POLDIP3: variants seen among roughly 807,000 people sequenced by gnomAD.
POLDIP3 encodes the protein DNA polymerase delta interacting protein 3.
A neutral mutation model predicts 45.1 loss-of-function variants in POLDIP3; 14 were observed. The ratio of observed to expected loss-of-function variants is 0.31; its 90% CI spans 0.20 to 0.49. The LOEUF (loss-of-function observed/expected upper bound fraction) is 0.49, where lower values mean the gene tolerates loss of function less well. POLDIP3 is among the 20% of genes least tolerant of loss of function. The pLI is 0.99. For missense variants in POLDIP3, 511 were observed against 538.8 expected (o/e 0.95, Z 0.51); for synonymous variants, 223 against 205.2 (o/e 1.09, Z -0.74).
intron 1 of POLDIP3, among the ~76,000 whole-genome samples, chr22:42,607,177 T>C (rs1569304812): frequency 1.3e-5 from 2 of 152,192 alleles, no homozygotes; most frequent in Non-Finnish European, 1.5e-5. Flanking sequence ...GGCTGGACTG[T>C]ACTGCCGCCA....
In POLDIP3 at chr22:42,604,532, T is replaced by C. The variant is rs995400506; in HGVS notation, c.60-1372A>G. On this transcript the variant is annotated intron_variant, in intron 1 of 8. Coordinates refer to ENST00000252115, the MANE Select transcript of POLDIP3 (RefSeq NM_032311.5). ...TGACCTGCTGTTAGAGGGTAAACTC[T>C]GCTGCATAAACGAGTTCCTGTATTG... Among the ~76,000 whole-genome samples, 5 of 152,210 alleles carry C rather than the reference T, an allele frequency of 3.3e-5. No homozygotes were observed. The East Asian group carries it at 7.7e-4, about 23-fold the overall frequency.
chr22:42,584,473 T>C lies in POLDIP3; in HGVS notation c.*1318A>G, dbSNP rs74760709. ...TTGAGTATCTTCGGCATGTGCCTTT[T>C]CCAGCACTTGCTACTGATTTTGCAG... On this transcript the variant is annotated 3_prime_UTR_variant, in exon 9 of 9. Transcript: ENST00000252115. 0.015 allele frequency: 2,519 copies of C among 172,766 alleles called. 60 individuals are homozygous for C. The highest frequency in any genetic ancestry group is 0.058 in the African/African-American group (2,404 of 41,676). The allele number at this position is 172,766 out of a possible 1,614,324, so 10.7% of individuals were successfully genotyped here.
At chr22:42,596,051 G>T in intron 5 of POLDIP3, 135 bp downstream of exon 5, 1 of 940,176 alleles carries the variant, frequency 1.1e-6, no homozygotes, top group Non-Finnish European at 1.6e-6. Context: ...AGAGTCCCTA[G>T]GTCTTGGTTT....
chr22:42,597,969 G>C (rs1432660210), intron 4 of POLDIP3, among the ~76,000 whole-genome samples: 2 of 151,698 alleles, frequency 1.3e-5, no homozygotes, highest in Non-Finnish European at 2.9e-5. Flanking sequence ...AGTAGAGACG[G>C]GATTTCACCA....
At chr22:42,609,384 T>C (rs554851191) in intron 1 of POLDIP3, among the ~76,000 whole-genome samples, 2 of 152,342 alleles carry the variant, frequency 1.3e-5, no homozygotes, top group South Asian at 2.1e-4. Flanking sequence ...AGAGCGCTGC[T>C]GGCAGGTGAG....
At chr22:42,598,257 T>A (rs1443787173) in intron 4 of POLDIP3, among the ~76,000 whole-genome samples, 2 of 148,394 alleles carry the variant, frequency 1.3e-5, no homozygotes, top group Non-Finnish European at 3.0e-5. Flanking sequence ...ATATTTTTTT[T>A]TTTTTTTTTT....
intron 1 of POLDIP3, among the ~76,000 whole-genome samples, chr22:42,612,168 T>C (rs1927164160): frequency 6.6e-6 from 1 of 152,226 alleles, no homozygotes; most frequent in African/African-American, 2.4e-5. Context: ...ATGTTACTCC[T>C]TTACTTTAAG....
intron 4 of POLDIP3, chr22:42,597,778 CTCT>C (rs1400866265): frequency 1.4e-4 from 59 of 425,696 alleles, no homozygotes; most frequent in Non-Finnish European, 2.5e-4. Context: ...GCTTCACGAC[CTCT>C]TTTTTTTTTT....
intron 1 of POLDIP3, among the ~76,000 whole-genome samples, chr22:42,609,012 A>T (rs1449344438): frequency 6.6e-6 from 1 of 152,228 alleles, no homozygotes; most frequent in Non-Finnish European, 1.5e-5. Context: ...TACTGGTTTC[A>T]GGCAGGCATT....
intron 4 of POLDIP3, among the ~76,000 whole-genome samples, chr22:42,598,351 TG>T (rs1465629903): frequency 1.3e-5 from 2 of 150,038 alleles, no homozygotes; most frequent in African/African-American, 2.5e-5. Flanking sequence ...CCTGGGTTCG[TG>T]CCATTCTCCT....
At chr22:42,592,173 C>G in intron 6 of POLDIP3, 89 bp from the exon 7 acceptor site, 1 of 1,567,180 alleles carries the variant, frequency 6.4e-7, no homozygotes, top group Non-Finnish European at 8.7e-7. Context: ...TGTGGTGGTT[C>G]CGCTGCAGCT....
At chr22:42,597,780 C>CTTTTT (rs137103) in intron 4 of POLDIP3, 40 of 392,332 alleles carry the variant, frequency 1.0e-4, no homozygotes, top group East Asian at 2.2e-4. Flanking sequence ...TTCACGACCT[C>CTTTTT]TTTTTTTTTT....
rs1241315228 is a variant in POLDIP3 at position 42,583,964 on chromosome 22, C to T, written c.*1827G>A. On this transcript the variant is annotated 3_prime_UTR_variant, in exon 9 of 9. Coordinates refer to ENST00000252115, the MANE Select transcript of POLDIP3 (RefSeq NM_032311.5). Reference sequence around the variant, plus strand: ...ACCAGATGGTCACCTATAGCACCAGCTCCAGATGGCCACGTGGCTGCAGCT... The same window carrying T: ...ACCAGATGGTCACCTATAGCACCAGTTCCAGATGGCCACGTGGCTGCAGCT... 1 of 152,308 alleles carries T rather than the reference C, an allele frequency of 6.6e-6. No individual in the cohort carries two copies. Among genetic ancestry groups the T allele is most frequent in the East Asian group, 1.9e-4 (1 of 5,174 alleles). The allele number at this position is 152,308 out of a possible 1,614,324, so 9.4% of individuals were successfully genotyped here. A position where few individuals can be genotyped will look rare whatever the true frequency, so the allele number is the denominator to read the frequency against.
At chr22:42,601,124 T>A (rs2146821146) in intron 3 of POLDIP3, among the ~76,000 whole-genome samples, 1 of 152,036 alleles carries the variant, frequency 6.6e-6, no homozygotes, top group African/African-American at 2.4e-5. Context: ...TGTAAGGAAC[T>A]ATGGCAAAAT....
chr22:42,600,044 T>A (rs1021402509), intron 3 of POLDIP3, among the ~76,000 whole-genome samples: 8 of 152,214 alleles, frequency 5.3e-5, no homozygotes, highest in African/African-American at 1.7e-4. Flanking sequence ...GTGGGCAGTA[T>A]GTACCAAGAG....
chr22:42,588,931 T>C (rs1468154479), intron 7 of POLDIP3, among the ~76,000 whole-genome samples: 1 of 151,996 alleles, frequency 6.6e-6, no homozygotes, highest in African/African-American at 2.4e-5. Flanking sequence ...TTACAGTTGA[T>C]GAGAGAAAAA....
At chr22:42,592,175 G>C (rs571979038) in intron 6 of POLDIP3, 91 bp from the exon 7 acceptor site, 1 of 1,561,922 alleles carries the variant, frequency 6.4e-7, no homozygotes, top group Admixed American at 1.8e-5. Flanking sequence ...TGGTGGTTCC[G>C]CTGCAGCTAA....
At chr22:42,607,289 T>C (rs1457941704) in intron 1 of POLDIP3, among the ~76,000 whole-genome samples, 4 of 152,240 alleles carry the variant, frequency 2.6e-5, no homozygotes, top group Non-Finnish European at 5.9e-5. Context: ...TTTTTGTATT[T>C]TTTGGTGGAG....
chr22:42,599,865 T>C (rs1358813089), intron 3 of POLDIP3, 72 bp from the exon 4 acceptor site: 3 of 1,141,728 alleles, frequency 2.6e-6, no homozygotes, highest in Non-Finnish European at 3.9e-6. Context: ...AGAACAGGCA[T>C]GGCAAGGAAA....
Sources: allele counts gnomAD v4.1 joint callset (sites outside exome capture counted in the v4.1 genomes callset), GRCh38; gene constraint gnomAD v4.1.1; transcripts MANE v1.5; gene names NCBI Gene and HGNC (gene_info 2026-07-23, HGNC 2026-07-21).